Variants in KCNJ6 observed in about 807,000 individuals in gnomAD.
The protein encoded by KCNJ6 is G protein-activated inward rectifier potassium channel 2.
Under a neutral mutation model 34.2 loss-of-function variants are expected in KCNJ6, and 9 were observed. The ratio of observed to expected loss-of-function variants is 0.26; its 90% CI spans 0.16 to 0.46. The LOEUF is 0.46. Among genes scored for constraint, KCNJ6 ranks in the 20% least tolerant of loss-of-function variants. The pLI is 1.00. For synonymous variants in KCNJ6, 196 were observed against 207.1 expected, an observed-to-expected ratio of 0.95 and a Z score of 0.46; for missense variants, 236 against 531.3, an observed-to-expected ratio of 0.44 and a Z score of 5.46.
intron 1 of KCNJ6, among the ~76,000 whole-genome samples, chr21:37,914,008 G>GGGGTGTGTGTGTGTGT (rs760597650): frequency 1.5e-5 from 2 of 135,584 alleles, no homozygotes; most frequent in East Asian, 2.4e-4. Context: ...GGCGGATCGG[G>GGGGTGTGTGTGTGTGT]GTGTGTGTGT....
intron 1 of KCNJ6, among the ~76,000 whole-genome samples, chr21:37,905,553 AC>A (rs1176660256): frequency 6.6e-6 from 1 of 152,094 alleles, no homozygotes; most frequent in African/African-American, 2.4e-5. Context: ...CTTACTAAGC[AC>A]CAAAACGCTA....
chr21:37,755,395 CT>C (rs1309530668), intron 2 of KCNJ6, among the ~76,000 whole-genome samples: 34 of 152,204 alleles, frequency 2.2e-4, no homozygotes, highest in African/African-American at 8.0e-4. Context: ...TTTCCTGAGA[CT>C]TTCTTTGTTA....
chr21:37,729,120 G>T (rs1384201692), intron 2 of KCNJ6, among the ~76,000 whole-genome samples: 1 of 151,688 alleles, frequency 6.6e-6, no homozygotes, highest in South Asian at 2.1e-4. Flanking sequence ...AAAGGGTAAA[G>T]GGTCCTATTA....
rs544591529 is a variant in KCNJ6 at position 37,635,800 on chromosome 21, C to T, written c.947-10316G>A. Among the ~76,000 whole-genome samples the T allele has an allele frequency of 3.2e-4, 49 of 151,958 alleles. 1 individual carries two copies. In the East Asian group the frequency reaches 4.1e-3, roughly 13 times the overall value. ...CCAAAGTGTTGGGATTACAGGCATG[C>T]GCCACCACACCCAGCTAAATTACAA... On this transcript the variant is annotated intron_variant, in intron 3 of 3. Coordinates refer to ENST00000609713, the MANE Select transcript of KCNJ6 (RefSeq NM_002240.5).
At chr21:37,643,450 G>A (rs2054390098) in intron 3 of KCNJ6, among the ~76,000 whole-genome samples, 1 of 152,196 alleles carries the variant, frequency 6.6e-6, no homozygotes, top group South Asian at 2.1e-4. Context: ...CAAACTCACT[G>A]GTCTGGCCCT....
At chr21:37,627,811 C>CAG (rs78532039) in intron 3 of KCNJ6, among the ~76,000 whole-genome samples, 107,686 of 151,826 alleles carry the variant, frequency 0.71, 38,375 homozygotes, top group East Asian at 0.83. Flanking sequence ...AAGGTTAATG[C>CAG]AGTTGTAAAG....
intron 3 of KCNJ6, among the ~76,000 whole-genome samples, chr21:37,669,601 G>GTGTA (rs1256569409): frequency 6.6e-6 from 1 of 151,826 alleles, no homozygotes; most frequent in Non-Finnish European, 1.5e-5. Context: ...GTGTGTGTGT[G>GTGTA]TGAATGTGCA....
chr21:37,671,888 T>G (rs559854049), intron 3 of KCNJ6, among the ~76,000 whole-genome samples: 47 of 43,300 alleles, frequency 1.1e-3, no homozygotes, highest in African/African-American at 7.5e-3. Flanking sequence ...AATTCAACAT[T>G]TTTTTTTGTG....
chr21:37,811,706 T>C (rs1282535818), intron 2 of KCNJ6, among the ~76,000 whole-genome samples: 1 of 152,166 alleles, frequency 6.6e-6, no homozygotes, highest in African/African-American at 2.4e-5. Flanking sequence ...CAGTGGAATA[T>C]GCCATAAAAC....
chr21:37,876,369 C>T (rs2055678197), intron 1 of KCNJ6, among the ~76,000 whole-genome samples: 1 of 152,146 alleles, frequency 6.6e-6, no homozygotes, highest in Admixed American at 6.5e-5. Context: ...GGATTCAAAT[C>T]CAGGTAGTCT....
chr21:37,907,127 T>C (rs144644434), intron 1 of KCNJ6, among the ~76,000 whole-genome samples: 101 of 152,302 alleles, frequency 6.6e-4, no homozygotes, highest in Non-Finnish European at 1.3e-3. Flanking sequence ...TGCAAAAACC[T>C]CCGAAGAGAG....
chr21:37,672,362 T>C (rs1381639898), intron 3 of KCNJ6, among the ~76,000 whole-genome samples: 5 of 151,774 alleles, frequency 3.3e-5, no homozygotes, highest in Non-Finnish European at 7.4e-5. Flanking sequence ...TCTGCTACCA[T>C]GAAAGAAGTA....
intron 3 of KCNJ6, among the ~76,000 whole-genome samples, chr21:37,628,515 A>T (rs2054320505): frequency 6.6e-6 from 1 of 152,188 alleles, no homozygotes. Context: ...GAATGGAGAA[A>T]AATGAACAGT....
intron 3 of KCNJ6, among the ~76,000 whole-genome samples, chr21:37,703,502 G>T (rs1212319410): frequency 6.6e-6 from 1 of 152,230 alleles, no homozygotes; most frequent in Non-Finnish European, 1.5e-5. Context: ...GAAGAAAGTA[G>T]AAATCAAGAG....
chr21:37,812,502 A>G (rs2055327809), intron 2 of KCNJ6, among the ~76,000 whole-genome samples: 1 of 152,236 alleles, frequency 6.6e-6, no homozygotes, highest in Non-Finnish European at 1.5e-5. Context: ...ATGAATATTG[A>G]TGCAAAAATC....
At chr21:37,667,521 G>A (rs1313531263) in intron 3 of KCNJ6, among the ~76,000 whole-genome samples, 2 of 151,446 alleles carry the variant, frequency 1.3e-5, no homozygotes, top group Non-Finnish European at 2.9e-5. Context: ...GGTAGTGGGC[G>A]CCGGGGTAGC....
intron 2 of KCNJ6, among the ~76,000 whole-genome samples, chr21:37,722,410 T>A (rs2054831476): frequency 6.6e-6 from 1 of 152,210 alleles, no homozygotes; most frequent in Non-Finnish European, 1.5e-5. Context: ...AAACTACCAA[T>A]GTCATTTTTC....
intron 1 of KCNJ6, among the ~76,000 whole-genome samples, chr21:37,889,688 T>A (rs60745813): frequency 0.088 from 13,469 of 152,228 alleles, 821 homozygotes; most frequent in East Asian, 0.3. Context: ...CATGCCTTTG[T>A]CTGAGCTTCT....
At chr21:37,851,949 T>C (rs1450173746) in intron 1 of KCNJ6, among the ~76,000 whole-genome samples, 1 of 152,092 alleles carries the variant, frequency 6.6e-6, no homozygotes, top group Non-Finnish European at 1.5e-5. Context: ...CTGGAGATGT[T>C]AGCAAATTGG....
Sources: gnomAD v4.1 joint callset for allele counts (sites outside exome capture counted in the v4.1 genomes callset) on GRCh38, gnomAD v4.1.1 for gene constraint, MANE v1.5 for transcripts, NCBI Gene and HGNC (gene_info 2026-07-23, HGNC 2026-07-21) for gene names.